Variants in AFF1 observed in about 807,000 individuals in gnomAD.
The protein encoded by AFF1 is AF4/FMR2 family member 1.
Under a neutral mutation model 121.7 loss-of-function variants are expected in AFF1, and 48 were observed. The ratio of observed to expected loss-of-function variants is 0.39; its 90% CI spans 0.31 to 0.50. AFF1 has a LOEUF of 0.50. Ranked by LOEUF, AFF1 falls within the 20% of genes least tolerant of loss-of-function variation. AFF1 has a pLI of 0.76. For synonymous variants in AFF1, 613 were observed against 563.0 expected (o/e 1.09, Z -1.26); for missense variants, 1,523 against 1,511.7 (o/e 1.01, Z -0.12).
chr4:87,042,929 A>G (rs1021905017), intron 2 of AFF1, among the ~76,000 whole-genome samples: 1 of 152,274 alleles, frequency 6.6e-6, no homozygotes, highest in Non-Finnish European at 1.5e-5. Flanking sequence ...AATAAGGCTA[A>G]TACAAGGCTG....
intron 12 of AFF1, among the ~76,000 whole-genome samples, chr4:87,117,796 A>G (rs1727275645): frequency 6.6e-6 from 1 of 152,156 alleles, no homozygotes; most frequent in Admixed American, 6.5e-5. Flanking sequence ...TGGATTCTGG[A>G]TGGGAGTTGT....
chr4:86,951,615 C>CTTTTT (rs748093135), intron 2 of AFF1, among the ~76,000 whole-genome samples: 105 of 124,942 alleles, frequency 8.4e-4, no homozygotes, highest in African/African-American at 1.9e-3. Flanking sequence ...TTTCTTTTTT[C>CTTTTT]TTTTTTTCTT....
At chr4:86,946,318 A>G (rs1720855582) in intron 1 of AFF1, among the ~76,000 whole-genome samples, 1 of 152,114 alleles carries the variant, frequency 6.6e-6, no homozygotes, top group South Asian at 2.1e-4. Flanking sequence ...TACCTTCTGT[A>G]GTATGTAAGC....
intron 8 of AFF1, among the ~76,000 whole-genome samples, chr4:87,097,279 C>CT (rs1724972153): frequency 6.6e-6 from 1 of 152,180 alleles, no homozygotes; most frequent in African/African-American, 2.4e-5. Context: ...TGGGTAGTGA[C>CT]TGTGTCTCTC....
At chr4:87,049,349 T>A (rs567728657) in intron 4 of AFF1, among the ~76,000 whole-genome samples, 6,420 of 152,232 alleles carry the variant, frequency 0.042, 425 homozygotes, top group African/African-American at 0.15. Context: ...GAGGTGCTTA[T>A]AAACCTGTGT....
chr4:86,985,480 C>G (rs956247481), intron 2 of AFF1, among the ~76,000 whole-genome samples: 2 of 144,222 alleles, frequency 1.4e-5, no homozygotes, highest in Admixed American at 7.2e-5. Context: ...CACTCCAGCC[C>G]GGGCCGACAA....
chr4:87,076,029 C>T (rs1722638852), intron 4 of AFF1, among the ~76,000 whole-genome samples: 1 of 152,080 alleles, frequency 6.6e-6, no homozygotes, highest in Non-Finnish European at 1.5e-5. Flanking sequence ...GGAAGCCTGT[C>T]TGGAGGAGAA....
At chr4:86,996,323 G>T (rs1725190570) in intron 2 of AFF1, among the ~76,000 whole-genome samples, 1 of 152,190 alleles carries the variant, frequency 6.6e-6, no homozygotes, top group East Asian at 1.9e-4. Flanking sequence ...TCGGATGGTT[G>T]CTGTGTCTGT....
At chr4:87,087,886 A>G (rs772112027) in intron 5 of AFF1, among the ~76,000 whole-genome samples, 133 of 71,112 alleles carry the variant, frequency 1.9e-3, no homozygotes, top group Non-Finnish European at 4.2e-3. Flanking sequence ...GTGTTGTAAC[A>G]TTATAATGGT....
At chr4:87,065,797 AT>A (rs538541408) in intron 4 of AFF1, among the ~76,000 whole-genome samples, 995 of 49,862 alleles carry the variant, frequency 0.02, 13 homozygotes, top group African/African-American at 0.11. Flanking sequence ...TTTGCCCATT[AT>A]TTTTCCCCCC....
In AFF1 at chr4:86,998,244, T is replaced by C. The variant is rs1725397400; in HGVS notation, c.39-47922T>C. Among the ~76,000 whole-genome samples, 2 of 152,088 alleles carry C rather than the reference T, an allele frequency of 1.3e-5. 1 individual carries two copies. The highest frequency in any genetic ancestry group is 4.8e-5 in the African/African-American group (2 of 41,428). On this transcript the variant is annotated intron_variant, in intron 2 of 20. Transcript: ENST00000395146. ...TTTCTAATCCTCATCATTGGCCTGC[T>C]GTGGAAGGGGCTGCCTTGTAATGAC...
intron 1 of AFF1, among the ~76,000 whole-genome samples, chr4:86,937,812 A>C (rs1026425146): frequency 6.6e-6 from 1 of 151,682 alleles, no homozygotes; most frequent in African/African-American, 2.4e-5. Context: ...TCCCTATGTT[A>C]CCCAGGTGGG....
chr4:87,052,546 G>T (rs1265527248), intron 4 of AFF1, among the ~76,000 whole-genome samples: 1 of 152,098 alleles, frequency 6.6e-6, no homozygotes, highest in African/African-American at 2.4e-5. Context: ...TGGAGGCTTT[G>T]TTGGCCGTGA....
intron 2 of AFF1, among the ~76,000 whole-genome samples, chr4:86,984,420 G>A (rs1013397973): frequency 6.7e-6 from 1 of 150,176 alleles, no homozygotes; most frequent in Non-Finnish European, 1.5e-5. Flanking sequence ...TCTGTCTCCT[G>A]GATTCAAGCA....
intron 12 of AFF1, among the ~76,000 whole-genome samples, chr4:87,120,278 TC>T (rs1310662136): frequency 1.3e-5 from 2 of 152,200 alleles, no homozygotes; most frequent in East Asian, 3.8e-4. Flanking sequence ...ATATTGAATC[TC>T]CTTCCGAGGC....
chr4:87,030,477 C>T (rs1728961099), intron 2 of AFF1, among the ~76,000 whole-genome samples: 1 of 152,132 alleles, frequency 6.6e-6, no homozygotes, highest in African/African-American at 2.4e-5. Context: ...TAAAGATTGG[C>T]CAGTGTTAAA....
intron 2 of AFF1, among the ~76,000 whole-genome samples, chr4:87,008,430 C>G (rs145215383): frequency 5.3e-4 from 80 of 152,278 alleles, no homozygotes; most frequent in African/African-American, 1.9e-3. Flanking sequence ...GAAAGAGCTT[C>G]TCTGTATAAA....
chr4:87,058,344 G>A (rs1720368565), intron 4 of AFF1, among the ~76,000 whole-genome samples: 1 of 152,112 alleles, frequency 6.6e-6, no homozygotes, highest in Non-Finnish European at 1.5e-5. Context: ...GGCATCTGAT[G>A]AGTCATGCAA....
chr4:86,983,553 A>T (rs1723949425), intron 2 of AFF1, among the ~76,000 whole-genome samples: 1 of 151,816 alleles, frequency 6.6e-6, no homozygotes, highest in Admixed American at 6.6e-5. Context: ...ATTAAAAAAT[A>T]AAAATACTAA....
Sources: gnomAD v4.1 joint callset for allele counts (sites outside exome capture counted in the v4.1 genomes callset) on GRCh38, gnomAD v4.1.1 for gene constraint, MANE v1.5 for transcripts, NCBI Gene and HGNC (gene_info 2026-07-23, HGNC 2026-07-21) for gene names.